The following MME variants were observed in gnomAD, a reference collection of about 807,000 sequenced individuals.
The protein encoded by MME is neprilysin.
Under a neutral mutation model 113.2 loss-of-function variants are expected in MME, and 98 were observed. That is an observed-to-expected ratio of 0.87 (90% CI 0.74 to 1.02). MME has a LOEUF of 1.02. Among genes scored for constraint, MME ranks in the 50% least tolerant of loss-of-function variants. The pLI, the probability that MME is intolerant of heterozygous loss-of-function variation, is 0.00. For synonymous variants in MME, 292 were observed against 300.6 expected (o/e 0.97, Z 0.30); for missense variants, 836 against 896.0 (o/e 0.93, Z 0.86).
intron 1 of MME, among the ~76,000 whole-genome samples, chr3:155,027,956 C>A (rs994370167): frequency 2.0e-5 from 3 of 152,080 alleles, no homozygotes; most frequent in African/African-American, 7.2e-5. Context: ...TAGAGATGTA[C>A]TTTTTTGCCT....
intron 8 of MME, among the ~76,000 whole-genome samples, chr3:155,128,472 G>A (rs574876474): frequency 6.6e-6 from 1 of 152,262 alleles, no homozygotes; most frequent in African/African-American, 2.4e-5. Context: ...AGAATAACAA[G>A]TTTACCTTCA....
chr3:155,122,625 T>A, intron 8 of MME, among the ~76,000 whole-genome samples: 1 of 27,760 alleles, frequency 3.6e-5, no homozygotes, highest in African/African-American at 1.4e-4. Flanking sequence ...GTGTCTTTGT[T>A]CTCGTTGGTT....
chr3:155,078,074 ACACACG>A (rs1284072583), upstream of MME, among the ~76,000 whole-genome samples: 2 of 151,556 alleles, frequency 1.3e-5, no homozygotes, highest in African/African-American at 2.4e-5. Flanking sequence ...ACACACACAC[ACACACG>A]CAAGCAAAAT....
Position 155,168,624 on chromosome 3 carries a change from A to G in MME, c.1913A>G (p.His638Arg). Residue 638 changes from histidine (H) to arginine (R), a missense_variant and splice_region_variant, in exon 19 of 23, where the codon CAC becomes CGC. By Grantham distance (29) the His-to-Arg change is conservative. Transcript: ENST00000360490. Reference protein sequence around the residue: ...NFSWDLAGGQHLNGINTLGEN... With the variant: ...NFSWDLAGGQRLNGINTLGEN... ...TCCTGGGACCTGGCAGGTGGACAGCACGTATGTCATTAGCATTCTCTTGAA... is the reference window on the plus strand; with the variant it reads ...TCCTGGGACCTGGCAGGTGGACAGCGCGTATGTCATTAGCATTCTCTTGAA... 1 of 1,613,852 alleles carries G rather than the reference A, an allele frequency of 6.2e-7. No homozygotes were observed. The highest frequency in any genetic ancestry group is 8.5e-7 in the Non-Finnish European group (1 of 1,179,844).
At chr3:155,152,976 T>C (rs1231606296) in intron 16 of MME, among the ~76,000 whole-genome samples, 1 of 151,528 alleles carries the variant, frequency 6.6e-6, no homozygotes, top group Non-Finnish European at 1.5e-5. Flanking sequence ...GTTAATAATT[T>C]AGCTAAAAGG....
chr3:155,140,219 A>T lies in MME; in HGVS notation c.884A>T (p.Asp295Val). 6.2e-7 allele frequency: 1 copy of T among 1,612,548 alleles called. No homozygotes were observed. The highest frequency in any genetic ancestry group is 8.5e-7 in the Non-Finnish European group (1 of 1,179,050). Residue 295 changes from aspartate (D) to valine (V), a missense_variant, in exon 10 of 23, where the codon GAT becomes GTT. By Grantham distance (152) the Asp-to-Val change is radical (BLOSUM62 -3). Transcript: ENST00000360490. ...ACGGCTAAACCTGAAGATCGAAATG[A>T]TCCAATGCTTCTGTATAACAAGATG... Reference protein sequence around the residue: ...NATAKPEDRNDPMLLYNKMTL... With the variant: ...NATAKPEDRNVPMLLYNKMTL...
intron 1 of MME, among the ~76,000 whole-genome samples, chr3:155,043,435 G>A (rs779503740): frequency 1.3e-5 from 2 of 151,406 alleles, no homozygotes; most frequent in Non-Finnish European, 2.9e-5. Context: ...AGGTTCAAGC[G>A]ATTCTCCTGC....
intron 16 of MME, among the ~76,000 whole-genome samples, chr3:155,160,088 T>C (rs1722605264): frequency 6.6e-6 from 1 of 152,010 alleles, no homozygotes. Context: ...TTCAATACAA[T>C]CTTAACCCAT....
chr3:155,132,699 C>T (rs926637401), intron 8 of MME, among the ~76,000 whole-genome samples: 5 of 152,038 alleles, frequency 3.3e-5, no homozygotes, highest in African/African-American at 1.2e-4. Context: ...CAGTCACACA[C>T]ACACAAAATT....
intron 3 of MME, among the ~76,000 whole-genome samples, chr3:155,091,719 G>T (rs1470660790): frequency 6.6e-6 from 1 of 152,186 alleles, no homozygotes; most frequent in Non-Finnish European, 1.5e-5. Context: ...TGATAAAACA[G>T]ATTAATTGAA....
At chr3:155,115,278 G>T in intron 4 of MME, 123 bp downstream of exon 4, 1 of 1,221,482 alleles carries the variant, frequency 8.2e-7, no homozygotes, top group Admixed American at 1.9e-5. Context: ...AATCCTTCCA[G>T]GATTTGTGTA....
chr3:155,138,067 T>A (rs1412034663), intron 8 of MME, 35 bp from the exon 9 acceptor site: 1 of 1,611,192 alleles, frequency 6.2e-7, no homozygotes, highest in South Asian at 1.1e-5. Context: ...TATTTAGAGC[T>A]ACTCCAACAG....
chr3:155,115,902 G>A (rs1051366500), intron 4 of MME, among the ~76,000 whole-genome samples: 1 of 152,198 alleles, frequency 6.6e-6, no homozygotes, highest in African/African-American at 2.4e-5. Context: ...TCCCTGAGAA[G>A]TTAAGAAATC....
chr3:155,167,001 C>T lies in MME; in HGVS notation c.1760C>T (p.Thr587Ile), dbSNP rs201628363. ...GIGMVIGHEI[T>I]HGFDDNGRNF... ...GGCATGGTCATAGGACACGAAATCA[C>T]CCATGGCTTCGATGACAATGGTAAA... Residue 587 changes from threonine (T) to isoleucine (I), a missense_variant, in exon 18 of 23, where the codon ACC becomes ATC. Physicochemically the swap from Thr to Ile is moderately conservative, Grantham distance 89. Transcript: ENST00000360490. 6.2e-7 allele frequency: 1 copy of T among 1,613,652 alleles called. No individual in the cohort carries two copies. Among genetic ancestry groups the T allele is most frequent in the Non-Finnish European group, 8.5e-7 (1 of 1,179,720 alleles).
chr3:155,158,664 A>G (rs1440849682), intron 16 of MME: 4 of 152,112 alleles, frequency 2.6e-5, no homozygotes, highest in Non-Finnish European at 4.4e-5. Flanking sequence ...TTTGTTCTAC[A>G]TCGTTTCTGA....
At chr3:155,117,983 G>T (rs1025248744) in intron 7 of MME, among the ~76,000 whole-genome samples, 5 of 152,176 alleles carry the variant, frequency 3.3e-5, no homozygotes, top group Non-Finnish European at 7.3e-5. Context: ...CAGTGAGTAG[G>T]AAACAATCTT....
At chr3:155,127,349 T>C in intron 8 of MME, among the ~76,000 whole-genome samples, 1 of 152,164 alleles carries the variant, frequency 6.6e-6, no homozygotes, top group Admixed American at 6.5e-5. Context: ...GTCTATTTGG[T>C]CAAAGTTGGT....
At chr3:155,125,341 C>T (rs1300537284) in intron 8 of MME, among the ~76,000 whole-genome samples, 1 of 75,502 alleles carries the variant, frequency 1.3e-5, no homozygotes, top group Non-Finnish European at 3.4e-5. Flanking sequence ...GAGATGAACC[C>T]GGTACCTCAG....
intron 1 of MME, among the ~76,000 whole-genome samples, chr3:155,024,550 A>G (rs1712711150): frequency 6.6e-6 from 1 of 152,206 alleles, no homozygotes; most frequent in African/African-American, 2.4e-5. Flanking sequence ...AGAGAGGACA[A>G]TAAAGTTGTA....
Sources: gnomAD v4.1 joint callset for allele counts (sites outside exome capture counted in the v4.1 genomes callset) on GRCh38, gnomAD v4.1.1 for gene constraint, MANE v1.5 for transcripts, NCBI Gene and HGNC (gene_info 2026-07-23, HGNC 2026-07-21) for gene names.